RBFOX1: variants seen among roughly 807,000 people sequenced by gnomAD.
The protein encoded by RBFOX1 is RNA binding fox-1 homolog 1, also known as RNA binding protein fox-1 homolog 1.
Under a neutral mutation model 57.7 loss-of-function variants are expected in RBFOX1, and 8 were observed. The ratio of observed to expected loss-of-function variants is 0.14; its 90% CI spans 0.08 to 0.25. The LOEUF (loss-of-function observed/expected upper bound fraction) is 0.25. Among genes scored for constraint, RBFOX1 ranks in the 10% least tolerant of loss-of-function variants. The pLI is 1.00. For synonymous variants in RBFOX1, 326 were observed against 222.4 expected (o/e 1.47, Z -4.15); for missense variants, 611 against 548.5 (o/e 1.11, Z -1.14).
chr16:7,082,240 G>T (rs574090871), intron 4 of RBFOX1, among the ~76,000 whole-genome samples: 2 of 152,244 alleles, frequency 1.3e-5, no homozygotes, highest in South Asian at 2.1e-4. Flanking sequence ...AGGAGCTTCA[G>T]TTGTACAGAA....
At chr16:7,386,450 C>G (rs6500952) in intron 4 of RBFOX1, among the ~76,000 whole-genome samples, 3 of 149,164 alleles carry the variant, frequency 2.0e-5, no homozygotes, top group African/African-American at 5.0e-5. Context: ...TCATTGTTCA[C>G]CTCCCACTTA....
intron 3 of RBFOX1, among the ~76,000 whole-genome samples, chr16:5,661,705 C>T (rs2049657442): frequency 6.6e-6 from 1 of 152,220 alleles, no homozygotes; most frequent in South Asian, 2.1e-4. Flanking sequence ...TTAAAGTCTG[C>T]TGTCTTATCA....
At chr16:6,183,747 G>T (rs2097085456) in intron 1 of RBFOX1, among the ~76,000 whole-genome samples, 1 of 152,126 alleles carries the variant, frequency 6.6e-6, no homozygotes. Context: ...AGTTTAGTGT[G>T]GCTGGAGCCT....
intron 3 of RBFOX1, among the ~76,000 whole-genome samples, chr16:6,893,310 G>A (rs1050354657): frequency 6.6e-6 from 1 of 152,156 alleles, no homozygotes; most frequent in Non-Finnish European, 1.5e-5. Flanking sequence ...GGGAAAGAAA[G>A]CCCCTAGAGA....
intron 1 of RBFOX1, among the ~76,000 whole-genome samples, chr16:6,286,739 A>T (rs1385549826): frequency 3.3e-5 from 5 of 152,134 alleles, no homozygotes; most frequent in Admixed American, 6.5e-5. Flanking sequence ...GCACAGGCTC[A>T]CCTGGGTAGC....
At chr16:6,740,684 A>G (rs1292843937) in intron 3 of RBFOX1, among the ~76,000 whole-genome samples, 3 of 152,230 alleles carry the variant, frequency 2.0e-5, no homozygotes, top group African/African-American at 4.8e-5. Context: ...CAGGACTTGT[A>G]TGCTGAAAAT....
chr16:5,305,902 A>G (rs1287849268), intron 1 of RBFOX1, among the ~76,000 whole-genome samples: 4 of 152,106 alleles, frequency 2.6e-5, no homozygotes, highest in Non-Finnish European at 4.4e-5. Context: ...ACAAAAAATT[A>G]AAAAATTAGC....
chr16:6,584,374 A>G (rs2097577376), intron 2 of RBFOX1, among the ~76,000 whole-genome samples: 1 of 145,110 alleles, frequency 6.9e-6, no homozygotes, highest in Non-Finnish European at 1.5e-5. Flanking sequence ...TATTATTATT[A>G]TTATTATTAT....
At chr16:7,070,856 C>T (rs1598671809) in intron 4 of RBFOX1, among the ~76,000 whole-genome samples, 1 of 152,098 alleles carries the variant, frequency 6.6e-6, no homozygotes, top group Non-Finnish European at 1.5e-5. Flanking sequence ...CCAAATTGAC[C>T]AAGGGTGACA....
At chr16:6,801,855 C>T (rs900809334) in intron 3 of RBFOX1, among the ~76,000 whole-genome samples, 1 of 152,050 alleles carries the variant, frequency 6.6e-6, no homozygotes, top group Non-Finnish European at 1.5e-5. Context: ...AGTGTGCATT[C>T]ATCTGAAGAC....
At chr16:5,834,681 G>GGGTA (rs1555541414) in intron 3 of RBFOX1, among the ~76,000 whole-genome samples, 1 of 102,432 alleles carries the variant, frequency 9.8e-6, no homozygotes, top group Non-Finnish European at 2.1e-5. Context: ...GGATTGAATG[G>GGGTA]GATAGGTAGA....
At chr16:5,399,914 G>C (rs2066665956) in intron 1 of RBFOX1, among the ~76,000 whole-genome samples, 1 of 151,690 alleles carries the variant, frequency 6.6e-6, no homozygotes, top group Non-Finnish European at 1.5e-5. Flanking sequence ...TTTTATTTTT[G>C]ATGGTAAGAA....
chr16:6,252,869 G>A (rs1567780057), intron 1 of RBFOX1, among the ~76,000 whole-genome samples: 1 of 152,174 alleles, frequency 6.6e-6, no homozygotes, highest in Admixed American at 6.5e-5. Flanking sequence ...TGTAGGCACA[G>A]CCCATCTAGA....
At position 6,931,337 on chromosome 16, in the gene RBFOX1, CTCT is replaced by C. The variant is rs2076505316; in HGVS notation, c.-15-120719_-15-120717del. On this transcript the variant is annotated intron_variant, in intron 3 of 15. Coordinates refer to ENST00000550418, the MANE Select transcript of RBFOX1 (RefSeq NM_018723.4). ...TCTATCTATCTATCTATCTATCTAT[CTCT>C]ACACACACACACACACACACACATA... Among the ~76,000 whole-genome samples, 374 of 110,252 alleles carry C rather than the reference CTCT, an allele frequency of 3.4e-3. 2 individuals carry two copies. Among genetic ancestry groups the C allele is most frequent in the East Asian group, 6.2e-3 (20 of 3,218 alleles). The allele number at this position is 110,252 out of a possible 152,430, so 72.3% of individuals were successfully genotyped here.
intron 1 of RBFOX1, among the ~76,000 whole-genome samples, chr16:5,318,692 G>C (rs1025634878): frequency 3.3e-4 from 50 of 152,200 alleles, no homozygotes; most frequent in Non-Finnish European, 6.3e-4. Context: ...TCTCAGCCCT[G>C]ATGTGTACAC....
intron 4 of RBFOX1, among the ~76,000 whole-genome samples, chr16:7,400,312 G>A (rs1258240033): frequency 1.3e-5 from 2 of 152,106 alleles, no homozygotes; most frequent in African/African-American, 4.8e-5. Context: ...AAAAATAACT[G>A]CATTATGCAA....
At chr16:7,283,568 G>T (rs2095591260) in intron 4 of RBFOX1, among the ~76,000 whole-genome samples, 1 of 152,030 alleles carries the variant, frequency 6.6e-6, no homozygotes, top group African/African-American at 2.4e-5. Context: ...TTGACATTCT[G>T]TATCTCCATC....
chr16:7,025,007 G>T (rs1322205151), intron 3 of RBFOX1, among the ~76,000 whole-genome samples: 2 of 152,234 alleles, frequency 1.3e-5, no homozygotes, highest in East Asian at 3.9e-4. Flanking sequence ...CAGGCAAGGG[G>T]CTGGATCCCG....
chr16:6,119,992 T>A (rs1280055766), intron 1 of RBFOX1, among the ~76,000 whole-genome samples: 1 of 152,212 alleles, frequency 6.6e-6, no homozygotes, highest in Non-Finnish European at 1.5e-5. Context: ...TCTCTATGTA[T>A]AGATTTTCCT....
Sources: gnomAD v4.1 joint callset for allele counts (sites outside exome capture counted in the v4.1 genomes callset) on GRCh38, gnomAD v4.1.1 for gene constraint, MANE v1.5 for transcripts, NCBI Gene and HGNC (gene_info 2026-07-23, HGNC 2026-07-21) for gene names.